Variants in OPRK1 observed in about 807,000 individuals in gnomAD.
OPRK1 encodes opioid receptor kappa 1.
A neutral mutation model predicts 24.5 loss-of-function variants in OPRK1; 15 were observed. That is an observed-to-expected ratio of 0.61 (90% confidence interval 0.41 to 0.94). The LOEUF is 0.94. Ranked by LOEUF, OPRK1 falls within the 40% of genes least tolerant of loss-of-function variation. The pLI, the probability that OPRK1 is intolerant of heterozygous loss-of-function variation, is 0.00. For synonymous variants in OPRK1, 205 were observed against 198.0 expected, an observed-to-expected ratio of 1.04 and a Z score of -0.30; for missense variants, 479 against 507.3, an observed-to-expected ratio of 0.94 and a Z score of 0.54.
At position 53,228,698 on chromosome 8, in the gene OPRK1, T is replaced by C. The variant is rs1039368889; in HGVS notation, c.*599A>G. 2 of 152,216 alleles carry C rather than the reference T, an allele frequency of 1.3e-5. No homozygotes were observed. The highest frequency in any genetic ancestry group is 1.3e-4 in the Admixed American group (2 of 15,282). 9.4% of individuals were successfully genotyped at this position (152,216 alleles called of 1,614,324 possible). A position where few individuals can be genotyped will look rare whatever the true frequency, so the allele number is the denominator to read the frequency against. On this transcript the variant is annotated 3_prime_UTR_variant, in exon 4 of 4. Coordinates refer to ENST00000265572, the MANE Select transcript of OPRK1 (RefSeq NM_000912.5). Reference sequence around the variant, plus strand: ...TTGAACGTTTAAATAATTTCATAAATAGCAAGATAATGTTCTGGTATAAGT... The same window carrying C: ...TTGAACGTTTAAATAATTTCATAAACAGCAAGATAATGTTCTGGTATAAGT...
intron 2 of OPRK1, among the ~76,000 whole-genome samples, chr8:53,237,131 T>G (rs1460533526): frequency 6.6e-6 from 1 of 152,044 alleles, no homozygotes; most frequent in African/African-American, 2.4e-5. Context: ...AACTCCCACC[T>G]CCCTTCTTAC....
chr8:53,233,607 C>T (rs190983430), intron 3 of OPRK1, among the ~76,000 whole-genome samples: 1 of 152,184 alleles, frequency 6.6e-6, no homozygotes, highest in Admixed American at 6.5e-5. Context: ...ATGAGTAGGC[C>T]CAGAGTGACT....
intron 2 of OPRK1, among the ~76,000 whole-genome samples, chr8:53,235,976 C>T (rs974670810): frequency 1.3e-5 from 2 of 152,128 alleles, no homozygotes; most frequent in Non-Finnish European, 2.9e-5. Flanking sequence ...CTCAAATATC[C>T]ATAGAGTATT....
chr8:53,244,657 G>A (rs2303432), intron 2 of OPRK1, among the ~76,000 whole-genome samples: 15,186 of 152,200 alleles, frequency 0.1, 834 homozygotes, highest in South Asian at 0.18. Flanking sequence ...ATTTTTTCTT[G>A]ACAAAATTTC....
rs200955469 is a variant in OPRK1 at position 53,229,416 on chromosome 8, G to A, written c.1024C>T (p.Arg342Trp). 1.2e-5 allele frequency: 19 copies of A among 1,614,164 alleles called. No homozygotes were observed. The highest frequency in any genetic ancestry group is 4.4e-5 in the South Asian group (4 of 91,080). The stretch of plus-strand genomic sequence containing the variant: ...ATCTTCAGTGGAAAGCAGAAGTCCC[G>A]GAAACACCGCTTGAAGTTTTCATCA... ...FLDENFKRCF[R>W]DFCFPLKMRM... Residue 342 changes from arginine to tryptophan, a missense_variant, in exon 4 of 4, where the codon CGG (arginine) becomes TGG (tryptophan). Arg to Trp is a moderately radical substitution (Grantham distance 101). Transcript: ENST00000265572.
chr8:53,251,283 TCG>T, intron 1 of OPRK1, 163 bp downstream of exon 1: 1 of 562,394 alleles, frequency 1.8e-6, no homozygotes, highest in Middle Eastern at 4.7e-4. Flanking sequence ...CGAAGAGCGC[TCG>T]CTCCTTCTCC....
Position 53,247,860 on chromosome 8 carries a change from G to A in OPRK1, c.257+2921C>T, listed in dbSNP as rs140990976. 6.6e-4 allele frequency among the ~76,000 whole-genome samples: 101 copies of A among 152,000 alleles called. 2 individuals are homozygous for A. The highest frequency in any genetic ancestry group is 2.2e-3 in the African/African-American group (90 of 41,464). On this transcript the variant is annotated intron_variant, in intron 2 of 3. Coordinates refer to ENST00000265572, the MANE Select transcript of OPRK1 (RefSeq NM_000912.5). ...AAAATACAAAAATTAGCATGGTGGT[G>A]CATCCCCATAATCCTTGCTACTTGG...
intron 2 of OPRK1, among the ~76,000 whole-genome samples, chr8:53,236,084 T>C (rs1241157995): frequency 6.6e-6 from 1 of 152,126 alleles, no homozygotes; most frequent in African/African-American, 2.4e-5. Flanking sequence ...CAGCCTCAGA[T>C]TTGAAGATCT....
At chr8:53,250,751 C>G (rs1354020721) in intron 2 of OPRK1, 30 bp downstream of exon 2, 1 of 1,574,250 alleles carries the variant, frequency 6.4e-7, no homozygotes, top group Admixed American at 1.7e-5. Flanking sequence ...CCCCGCCCAG[C>G]CCCCAGCGCT....
intron 2 of OPRK1, among the ~76,000 whole-genome samples, chr8:53,241,401 T>C (rs1807113955): frequency 6.6e-6 from 1 of 151,970 alleles, no homozygotes; most frequent in Non-Finnish European, 1.5e-5. Flanking sequence ...CAGTAGTTTA[T>C]TAATTCTAGA....
At position 53,229,460 on chromosome 8, in the gene OPRK1, G is replaced by C; in HGVS notation, c.980C>G (p.Pro327Arg). 2 of 1,614,210 alleles carry C rather than the reference G, an allele frequency of 1.2e-6. No homozygotes were observed. The highest frequency in any genetic ancestry group is 1.7e-6 in the Non-Finnish European group (2 of 1,180,038). Reference sequence around the variant, plus strand: ...TTCATCAAGAAAGGCGTAGAGAATGGGATTCAGGCTACTGTTGGTATAGCC... The same window carrying C: ...TTCATCAAGAAAGGCGTAGAGAATGCGATTCAGGCTACTGTTGGTATAGCC... ...ALGYTNSSLN[P>R]ILYAFLDENF... The change falls in exon 4 of 4, where the codon CCC (proline) becomes CGC (arginine). Residue 327 changes from proline to arginine, a missense_variant. By Grantham distance (103) the Pro-to-Arg change is moderately radical (BLOSUM62 -2). Coordinates refer to ENST00000265572, the MANE Select transcript of OPRK1 (RefSeq NM_000912.5).
rs77629486 is a variant in OPRK1, at chr8:53,229,840, G to A, written c.611-11C>T. On this transcript the variant is annotated splice_polypyrimidine_tract_variant and intron_variant, in intron 3 of 3. Coordinates refer to ENST00000265572, the MANE Select transcript of OPRK1 (RefSeq NM_000912.5). Reference sequence around the variant, plus strand: ...CAATGACATCGACGTCTGGAGGAGGGCAATAAAAACCACAACACAGAAACC... The same window carrying A: ...CAATGACATCGACGTCTGGAGGAGGACAATAAAAACCACAACACAGAAACC... 10 of 1,530,264 alleles carry A rather than the reference G, an allele frequency of 6.5e-6. No individual in the cohort carries two copies. The highest frequency in any genetic ancestry group is 7.9e-6 in the Non-Finnish European group (9 of 1,140,824). 94.8% of individuals were successfully genotyped at this position (1,530,264 alleles called of 1,614,324 possible).
chr8:53,241,299 A>G (rs1335464928), intron 2 of OPRK1, among the ~76,000 whole-genome samples: 1 of 152,218 alleles, frequency 6.6e-6, no homozygotes, highest in African/African-American at 2.4e-5. Flanking sequence ...TAAATTTTTC[A>G]GTCAGTTTCA....
chr8:53,240,377 T>G (rs577510338), intron 2 of OPRK1, among the ~76,000 whole-genome samples: 12 of 152,302 alleles, frequency 7.9e-5, no homozygotes, highest in Non-Finnish European at 2.9e-5. Flanking sequence ...AGAATGCACC[T>G]GAACAAATGC....
chr8:53,251,338 C>A, intron 1 of OPRK1, 110 bp downstream of exon 1: 1 of 458,768 alleles, frequency 2.2e-6, no homozygotes, highest in Non-Finnish European at 3.8e-6. Context: ...TAGGCACCGG[C>A]CCCTGGTGGA....
At position 53,229,758 on chromosome 8, in the gene OPRK1, T is replaced by A; in HGVS notation, c.682A>T (p.Ile228Phe). The A allele has an allele frequency of 6.2e-7, 1 of 1,613,348 alleles. No individual in the cohort carries two copies. The highest frequency in any genetic ancestry group is 1.1e-5 in the South Asian group (1 of 90,980). Residue 228 changes from isoleucine to phenylalanine, a missense_variant, in exon 4 of 4, where the codon ATC (isoleucine) becomes TTC (phenylalanine). Coordinates refer to ENST00000265572, the MANE Select transcript of OPRK1 (RefSeq NM_000912.5). ...ACGAAGGCAAAGATGAAGACGCAGA[T>A]CTTCATGAAGAGGTCCCACCAGGAG... The part of the protein sequence containing the change: ...DYSWWDLFMK[I>F]CVFIFAFVIP...
chr8:53,225,878 T>TA lies in OPRK1; in HGVS notation c.*3418dup, dbSNP rs1806669075. ...CTTGTTTCAGAGAAGAAAATTGCCT[T>TA]AAGGAAGCTGGGTTATACCGTTTTT... On this transcript the variant is annotated 3_prime_UTR_variant, in exon 4 of 4. Transcript: ENST00000265572. 1 of 152,584 alleles carries TA rather than the reference T, an allele frequency of 6.6e-6. No individual in the cohort carries two copies. The highest frequency in any genetic ancestry group is 2.1e-4 in the South Asian group (1 of 4,836). The allele number at this position is 152,584 out of a possible 1,614,324, so 9.5% of individuals were successfully genotyped here.
In OPRK1 at chr8:53,228,556, C is replaced by A. The variant is rs199952958; in HGVS notation, c.*741G>T. On this transcript the variant is annotated 3_prime_UTR_variant, in exon 4 of 4. Transcript: ENST00000265572. ...ATATATATTTTCAGTGGTATTCACACCACTTTATGTTTCTTGACAATGGGA... is the reference window on the plus strand; with the variant it reads ...ATATATATTTTCAGTGGTATTCACAACACTTTATGTTTCTTGACAATGGGA... The A allele has an allele frequency of 6.6e-6, 1 of 152,142 alleles. No homozygotes were observed. The highest frequency in any genetic ancestry group is 1.5e-5 in the Non-Finnish European group (1 of 68,034). 9.4% of individuals were successfully genotyped at this position (152,142 alleles called of 1,614,324 possible).
intron 2 of OPRK1, among the ~76,000 whole-genome samples, chr8:53,248,047 C>T (rs1255725835): frequency 7.4e-6 from 1 of 135,604 alleles, no homozygotes; most frequent in Non-Finnish European, 1.6e-5. Flanking sequence ...CCCACATTCA[C>T]ACCCAACAAC....
Sources: gnomAD v4.1 joint callset for allele counts (sites outside exome capture counted in the v4.1 genomes callset) on GRCh38, gnomAD v4.1.1 for gene constraint, MANE v1.5 for transcripts, NCBI Gene and HGNC (gene_info 2026-07-23, HGNC 2026-07-21) for gene names.